KCNC2: variants seen among roughly 807,000 people sequenced by gnomAD.
KCNC2 encodes the protein voltage-gated potassium channel KCNC2.
KCNC2 carries 21 observed loss-of-function variants against 44.5 expected under a neutral mutation model. That is an observed-to-expected ratio of 0.47 (90% CI 0.33 to 0.68). The LOEUF (loss-of-function observed/expected upper bound fraction) is 0.68. KCNC2 is among the 30% of genes least tolerant of loss of function. KCNC2 has a pLI of 0.01. For synonymous variants in KCNC2, 391 were observed against 339.1 expected, an observed-to-expected ratio of 1.15 and a Z score of -1.68; for missense variants, 589 against 826.2, an observed-to-expected ratio of 0.71 and a Z score of 3.52.
chr12:75,165,160 T>A (rs544047526), intron 2 of KCNC2, among the ~76,000 whole-genome samples: 1 of 151,666 alleles, frequency 6.6e-6, no homozygotes, highest in Non-Finnish European at 1.5e-5. Flanking sequence ...TAGAGTATGA[T>A]TAGAAGTGTT....
intron 4 of KCNC2, chr12:75,043,607 C>T: frequency 8.1e-7 from 1 of 1,232,940 alleles, no homozygotes; most frequent in Non-Finnish European, 1.0e-6. Flanking sequence ...AGAATGTATT[C>T]TTGAAAAAAA....
At chr12:75,137,432 T>C (rs538498429) in intron 2 of KCNC2, among the ~76,000 whole-genome samples, 1 of 152,192 alleles carries the variant, frequency 6.6e-6, no homozygotes, top group South Asian at 2.1e-4. Flanking sequence ...TGTATACATA[T>C]TTGTGTTTTC....
chr12:75,145,716 C>T (rs1227140246), intron 2 of KCNC2, among the ~76,000 whole-genome samples: 3 of 151,970 alleles, frequency 2.0e-5, no homozygotes, highest in East Asian at 3.9e-4. Flanking sequence ...GTTGTATATT[C>T]TGGTAAATAG....
At chr12:75,161,842 TA>T (rs766746269) in intron 2 of KCNC2, among the ~76,000 whole-genome samples, 12 of 151,722 alleles carry the variant, frequency 7.9e-5, no homozygotes, top group Non-Finnish European at 1.5e-4. Context: ...GACATTAAAC[TA>T]TGACAAAAAG....
intron 2 of KCNC2, among the ~76,000 whole-genome samples, chr12:75,085,926 A>G (rs894294275): frequency 1.3e-5 from 2 of 152,084 alleles, no homozygotes; most frequent in African/African-American, 4.8e-5. Context: ...ATGTTAATAT[A>G]CAAAAGACCT....
At chr12:75,171,655 T>G (rs1056942424) in intron 2 of KCNC2, among the ~76,000 whole-genome samples, 2 of 151,738 alleles carry the variant, frequency 1.3e-5, no homozygotes, top group Non-Finnish European at 2.9e-5. Context: ...GAAAGCTTGG[T>G]GCAAAAATAC....
intron 2 of KCNC2, among the ~76,000 whole-genome samples, chr12:75,144,660 C>T (rs1341157332): frequency 2.0e-5 from 3 of 151,434 alleles, no homozygotes; most frequent in Admixed American, 1.3e-4. Flanking sequence ...ATATGTACAA[C>T]ACACCAAAAA....
At chr12:75,063,925 A>C (rs553322478) in intron 2 of KCNC2, among the ~76,000 whole-genome samples, 1 of 152,114 alleles carries the variant, frequency 6.6e-6, no homozygotes, top group Non-Finnish European at 1.5e-5. Flanking sequence ...TTCACAATCA[A>C]TTATTATTTT....
At position 75,207,870 on chromosome 12, in the gene KCNC2, G is replaced by A. The variant is rs758375842; in HGVS notation, c.114C>T (p.Ala38=). 2.0e-5 allele frequency: 32 copies of A among 1,612,324 alleles called. No individual in the cohort carries two copies. Among genetic ancestry groups the A allele is most frequent in the Non-Finnish European group, 2.5e-5 (29 of 1,179,852 alleles). ...TLPGTRLALL[A]SSEPPGDCLT... is the part of the protein sequence containing the mutation. ...AGCAGTCGCCTGGGGGCTCGGAGGAGGCAAGAAGGGCCAGGCGTGTTCCAG... is the reference window on the plus strand; with the variant it reads ...AGCAGTCGCCTGGGGGCTCGGAGGAAGCAAGAAGGGCCAGGCGTGTTCCAG... Residue 38 remains alanine (A), a synonymous_variant, in exon 2 of 5, where the codon GCC becomes GCT. Transcript: ENST00000549446. This position sits in a 1 kb window ranked among gnomAD's most constrained non-coding sequence, Gnocchi z 4.1.
intron 2 of KCNC2, among the ~76,000 whole-genome samples, chr12:75,086,749 A>C (rs2137110861): frequency 6.6e-6 from 1 of 150,698 alleles, no homozygotes; most frequent in South Asian, 2.1e-4. Context: ...GACATAGTTC[A>C]AGAAAATGAA....
chr12:75,208,086 G>A lies in KCNC2; in HGVS notation c.-19-84C>T, dbSNP rs941758332. On this transcript the variant is annotated intron_variant, in intron 1 of 4. Transcript: ENST00000549446. ...GACCCCCACCACCAACCCAGAGCGA[G>A]TCCAGGGATGCAGAGTTGGCAGACA... The A allele has an allele frequency of 1.3e-5, 20 of 1,518,872 alleles. No homozygotes were observed. In the African/African-American group the frequency reaches 2.8e-4, roughly 21 times the overall value. 94.1% of individuals were successfully genotyped at this position (1,518,872 alleles called of 1,614,324 possible). A position where few individuals can be genotyped will look rare whatever the true frequency, so the allele number is the denominator to read the frequency against.
chr12:75,096,017 A>G (rs1885890549), intron 2 of KCNC2, among the ~76,000 whole-genome samples: 1 of 151,956 alleles, frequency 6.6e-6, no homozygotes, highest in Admixed American at 6.6e-5. Context: ...GGTAAAATTG[A>G]AAAACTACTA....
intron 2 of KCNC2, among the ~76,000 whole-genome samples, chr12:75,133,436 A>G (rs1159624325): frequency 6.6e-6 from 1 of 151,168 alleles, no homozygotes; most frequent in Non-Finnish European, 1.5e-5. Context: ...AAAGGAAAAC[A>G]ATACTACAGA....
intron 4 of KCNC2, among the ~76,000 whole-genome samples, chr12:75,047,098 A>G (rs182093250): frequency 1.3e-5 from 2 of 152,154 alleles, no homozygotes; most frequent in East Asian, 3.9e-4. Flanking sequence ...TTTTTATTCA[A>G]ATTCAGTCAA....
intron 2 of KCNC2, among the ~76,000 whole-genome samples, chr12:75,081,138 T>A (rs1420420161): frequency 6.6e-6 from 1 of 152,124 alleles, no homozygotes; most frequent in Non-Finnish European, 1.5e-5. Context: ...TCTAACATAT[T>A]AGAGATGTTT....
At chr12:75,096,934 A>G (rs911082474) in intron 2 of KCNC2, among the ~76,000 whole-genome samples, 8 of 152,108 alleles carry the variant, frequency 5.3e-5, no homozygotes, top group Non-Finnish European at 1.2e-4. Flanking sequence ...AGATATATCC[A>G]CACAAAACTT....
chr12:75,172,551 C>A (rs1344553213), intron 2 of KCNC2, among the ~76,000 whole-genome samples: 3 of 151,658 alleles, frequency 2.0e-5, no homozygotes, highest in Non-Finnish European at 4.4e-5. Flanking sequence ...GCTGCTAAGA[C>A]AGAGCTTTAG....
chr12:75,126,747 A>G (rs1027221076), intron 2 of KCNC2, among the ~76,000 whole-genome samples: 2 of 152,174 alleles, frequency 1.3e-5, no homozygotes, highest in Non-Finnish European at 2.9e-5. Context: ...GGTCCCATCA[A>G]AAGTTATAAA....
chr12:75,170,444 G>GA (rs1198598244), intron 2 of KCNC2, among the ~76,000 whole-genome samples: 1 of 151,646 alleles, frequency 6.6e-6, no homozygotes, highest in Non-Finnish European at 1.5e-5. Context: ...TGGAATTCTA[G>GA]ATACAGAGGA....
Sources: allele counts gnomAD v4.1 joint callset (sites outside exome capture counted in the v4.1 genomes callset), GRCh38; gene constraint gnomAD v4.1.1; non-coding constraint Gnocchi (gnomAD v3.1); transcripts MANE v1.5; gene names NCBI Gene and HGNC (gene_info 2026-07-23, HGNC 2026-07-21).